HEATR1: variants seen among roughly 807,000 people sequenced by gnomAD.
HEATR1 encodes HEAT repeat containing 1.
Under a neutral mutation model 248.2 loss-of-function variants are expected in HEATR1, and 77 were observed. That is an observed-to-expected ratio of 0.31 (90% CI 0.26 to 0.37). The LOEUF (loss-of-function observed/expected upper bound fraction) is 0.37, where lower values mean the gene tolerates loss of function less well. Ranked by LOEUF, HEATR1 falls within the 10% of genes least tolerant of loss-of-function variation. The probability of loss-of-function intolerance (pLI) is 1.00; values close to 1 mark genes in which losing one functional copy is unlikely to be tolerated. For synonymous variants in HEATR1, 897 were observed against 923.1 expected, an observed-to-expected ratio of 0.97 and a Z score of 0.51; for missense variants, 2,420 against 2,504.9, an observed-to-expected ratio of 0.97 and a Z score of 0.72.
chr1:236,571,757 A>G (rs1197540304), intron 26 of HEATR1, 71 bp from the exon 27 acceptor site: 2 of 1,105,346 alleles, frequency 1.8e-6, no homozygotes, highest in South Asian at 1.3e-5. Flanking sequence ...ATTAATGGCC[A>G]TTGTCCAGAA....
intron 33 of HEATR1, among the ~76,000 whole-genome samples, chr1:236,560,432 G>C (rs1663100796): frequency 6.6e-6 from 1 of 152,186 alleles, no homozygotes; most frequent in Admixed American, 6.5e-5. Context: ...ACTGCTGCCA[G>C]CCTGAGGGGG....
Position 236,556,092 on chromosome 1 carries a change from G to T in HEATR1, c.5514+8C>A. Reference sequence around the variant, plus strand: ...TCTCCAAAGTCTTAATACCCAATAAGATCTAACCTTCCAGTTCTTCTCAAT... The same window carrying T: ...TCTCCAAAGTCTTAATACCCAATAATATCTAACCTTCCAGTTCTTCTCAAT... On this transcript the variant is annotated splice_region_variant and intron_variant, in intron 38 of 44. Coordinates refer to ENST00000366582, the MANE Select transcript of HEATR1 (RefSeq NM_018072.6). 1 of 1,614,078 alleles carries T rather than the reference G, an allele frequency of 6.2e-7. No homozygotes were observed. Among genetic ancestry groups the T allele is most frequent in the Non-Finnish European group, 8.5e-7 (1 of 1,180,004 alleles).
In HEATR1 at chr1:236,574,922, A is replaced by T; in HGVS notation, c.3085-19T>A. The T allele has an allele frequency of 6.2e-7, 1 of 1,607,720 alleles. No individual in the cohort carries two copies. ...GCACCATCTAAAGATCCAAAGACTT[A>T]GTAGTAAATAGTTATGTATACTGAT... On this transcript the variant is annotated intron_variant, in intron 22 of 44. Coordinates refer to ENST00000366582, the MANE Select transcript of HEATR1 (RefSeq NM_018072.6).
chr1:236,558,681 C>T, intron 35 of HEATR1, 152 bp from the exon 36 acceptor site: 1 of 819,824 alleles, frequency 1.2e-6, no homozygotes, highest in African/African-American at 1.7e-5. Context: ...ATGTTCTAGC[C>T]AGTGTTTCAC....
At chr1:236,580,519 C>CT (rs10692063) in intron 20 of HEATR1, among the ~76,000 whole-genome samples, 13,684 of 132,040 alleles carry the variant, frequency 0.1, 1,544 homozygotes, top group African/African-American at 0.25. Flanking sequence ...ATGTACAGCC[C>CT]TTTTTTTTTT....
At position 236,577,144 on chromosome 1, in the gene HEATR1, C is replaced by G. The variant is rs201017623; in HGVS notation, c.2756-195G>C. Among the ~76,000 whole-genome samples the G allele has an allele frequency of 3.3e-5, 5 of 151,470 alleles. No homozygotes were observed. The East Asian group carries it at 9.7e-4, about 29-fold the overall frequency. ...CCTGGTGCATTCTTTTGAAAATACA[C>G]AAGAGCATACTATAAACTCTGTTCT... On this transcript the variant is annotated intron_variant, in intron 20 of 44. Coordinates refer to ENST00000366582, the MANE Select transcript of HEATR1 (RefSeq NM_018072.6).
intron 33 of HEATR1, among the ~76,000 whole-genome samples, chr1:236,560,706 G>A (rs1463053077): frequency 6.6e-6 from 1 of 152,166 alleles, no homozygotes; most frequent in African/African-American, 2.4e-5. Flanking sequence ...CGAGGACATG[G>A]GAGAGAAAGG....
Position 236,574,322 on chromosome 1 carries a change from T to C in HEATR1, c.3339A>G (p.Pro1113=). ...QITALEKITK[P]FFAAISDEKV... is the part of the protein sequence containing the mutation. ...TTTCATCTGATATGGCTGCAAAAAATGGTTTTGTAATCTAGAGGGGGTAGA... is the reference window on the plus strand; with the variant it reads ...TTTCATCTGATATGGCTGCAAAAAACGGTTTTGTAATCTAGAGGGGGTAGA... Residue 1113 remains proline (P), a synonymous_variant, in exon 24 of 45, where the codon CCA becomes CCG. Coordinates refer to ENST00000366582, the MANE Select transcript of HEATR1 (RefSeq NM_018072.6). The C allele has an allele frequency of 1.2e-6, 2 of 1,609,220 alleles. No homozygotes were observed. Among genetic ancestry groups the C allele is most frequent in the Non-Finnish European group, 1.7e-6 (2 of 1,178,572 alleles).
At chr1:236,559,178 TA>T (rs745656089) in intron 34 of HEATR1, 43 bp from the exon 35 acceptor site, 1,368 of 1,339,014 alleles carry the variant, frequency 1.0e-3, no homozygotes, top group South Asian at 1.5e-3. Context: ...AAAAACAAAT[TA>T]AAAAAAAAAC....
intron 1 of HEATR1, 70 bp downstream of exon 1, chr1:236,604,352 G>GA: frequency 5.4e-6 from 2 of 372,108 alleles, no homozygotes; most frequent in South Asian, 7.0e-5. Flanking sequence ...CAGATATCCG[G>GA]AAAACTCTTA....
At chr1:236,574,361 A>G in intron 23 of HEATR1, 28 bp from the exon 24 acceptor site, 2 of 1,588,874 alleles carry the variant, frequency 1.3e-6, no homozygotes, top group Non-Finnish European at 1.7e-6. Context: ...AAGGCAACTG[A>G]GTTCAGTGAA....
intron 32 of HEATR1, among the ~76,000 whole-genome samples, chr1:236,563,438 C>T (rs1030247391): frequency 5.3e-5 from 8 of 151,976 alleles, no homozygotes; most frequent in African/African-American, 9.7e-5. Context: ...CCCACCACCA[C>T]GCCCGGCTAA....
chr1:236,564,753 T>C, intron 31 of HEATR1, 92 bp from the exon 32 acceptor site: 1 of 1,175,682 alleles, frequency 8.5e-7, no homozygotes, highest in Non-Finnish European at 1.2e-6. Context: ...TAAAGGACAA[T>C]TAACGGGATA....
At chr1:236,594,184 T>G in intron 8 of HEATR1, 70 bp from the exon 9 acceptor site, 1 of 996,430 alleles carries the variant, frequency 1.0e-6, no homozygotes, top group South Asian at 1.5e-5. Flanking sequence ...TAAATTCACT[T>G]ATAGCAGAAA....
chr1:236,559,855 G>A lies in HEATR1; in HGVS notation c.4647-18C>T, dbSNP rs200732695. ...CCAGCAACCTGAAACACAGAGGCTC[G>A]CTCAGCAAACGGCAGCTGAAGGCAC... On this transcript the variant is annotated intron_variant, in intron 33 of 44. Coordinates refer to ENST00000366582, the MANE Select transcript of HEATR1 (RefSeq NM_018072.6). 1.1e-4 allele frequency: 179 copies of A among 1,584,254 alleles called. No homozygotes were observed. In the African/African-American group the frequency reaches 2.0e-3, roughly 18 times the overall value.
intron 9 of HEATR1, among the ~76,000 whole-genome samples, chr1:236,593,424 C>T (rs1664092880): frequency 6.6e-6 from 1 of 151,890 alleles, no homozygotes; most frequent in African/African-American, 2.4e-5. Flanking sequence ...ATGATGCACA[C>T]CAACACACAG....
intron 9 of HEATR1, among the ~76,000 whole-genome samples, chr1:236,593,579 TAAGAGAA>T (rs1482499890): frequency 2.6e-4 from 25 of 94,834 alleles, no homozygotes; most frequent in African/African-American, 1.0e-3. Context: ...AGTTGCCCAT[TAAGAGAA>T]AAAAAAAAAA....
intron 32 of HEATR1, among the ~76,000 whole-genome samples, chr1:236,564,093 G>T (rs1002925878): frequency 2.6e-5 from 4 of 152,202 alleles, no homozygotes; most frequent in African/African-American, 9.6e-5. Flanking sequence ...ACTTCAGCCT[G>T]GGACATGGAG....
chr1:236,595,289 CTATTTAAG>C (rs1468182265), intron 8 of HEATR1, among the ~76,000 whole-genome samples: 1 of 152,006 alleles, frequency 6.6e-6, no homozygotes, highest in Non-Finnish European at 1.5e-5. Flanking sequence ...CATGTAGAGA[CTATTTAAG>C]TATTTAAGAA....
Sources: gnomAD v4.1 joint callset for allele counts (sites outside exome capture counted in the v4.1 genomes callset) on GRCh38, gnomAD v4.1.1 for gene constraint, MANE v1.5 for transcripts, NCBI Gene and HGNC (gene_info 2026-07-23, HGNC 2026-07-21) for gene names.